KCNT2: variants seen among roughly 807,000 people sequenced by gnomAD.
KCNT2 encodes the protein potassium sodium-activated channel subfamily T member 2.
KCNT2 carries 67 observed loss-of-function variants against 153.8 expected under a neutral mutation model. That is an observed-to-expected ratio of 0.44 (90% CI 0.36 to 0.53). The LOEUF (loss-of-function observed/expected upper bound fraction) is 0.53. KCNT2 is among the 20% of genes least tolerant of loss of function. KCNT2 has a pLI of 0.00. For missense variants in KCNT2, 975 were observed against 1,354.8 expected, an observed-to-expected ratio of 0.72 and a Z score of 4.40; for synonymous variants, 500 against 458.8, an observed-to-expected ratio of 1.09 and a Z score of -1.15.
At chr1:196,569,847 T>C (rs1391423300) in intron 1 of KCNT2, among the ~76,000 whole-genome samples, 1 of 152,058 alleles carries the variant, frequency 6.6e-6, no homozygotes, top group Non-Finnish European at 1.5e-5. Context: ...AAGACTAAGA[T>C]TACATATGCT....
intron 25 of KCNT2, among the ~76,000 whole-genome samples, chr1:196,275,218 T>C (rs1306791233): frequency 1.3e-5 from 2 of 151,894 alleles, no homozygotes; most frequent in African/African-American, 2.4e-5. Context: ...CTGTCCTTCC[T>C]ATATATGTTG....
intron 1 of KCNT2, among the ~76,000 whole-genome samples, chr1:196,577,930 A>G (rs1426201365): frequency 6.6e-6 from 1 of 152,192 alleles, no homozygotes; most frequent in African/African-American, 2.4e-5. Context: ...AATATAATAC[A>G]CTAACATTTT....
At chr1:196,383,973 T>C (rs905064708) in intron 13 of KCNT2, among the ~76,000 whole-genome samples, 2 of 152,192 alleles carry the variant, frequency 1.3e-5, no homozygotes, top group Admixed American at 6.5e-5. Flanking sequence ...GTAATTCTTA[T>C]GTAGTTAACA....
chr1:196,383,628 G>A lies in KCNT2; in HGVS notation c.1295-10380C>T, dbSNP rs549864007. On this transcript the variant is annotated intron_variant, in intron 13 of 27. Coordinates refer to ENST00000294725, the MANE Select transcript of KCNT2 (RefSeq NM_198503.5). Reference sequence around the variant, plus strand: ...CAGTATAAATAAGACTGGAATCATCGGGAGTGATGACAGGGTCCAAGTATA... The same window carrying A: ...CAGTATAAATAAGACTGGAATCATCAGGAGTGATGACAGGGTCCAAGTATA... Among the ~76,000 whole-genome samples the A allele has an allele frequency of 1.0e-3, 157 of 152,224 alleles. 4 individuals are homozygous for A. The highest frequency in any genetic ancestry group is 3.7e-3 in the African/African-American group (153 of 41,550).
intron 1 of KCNT2, among the ~76,000 whole-genome samples, chr1:196,579,148 G>A (rs1188182253): frequency 1.3e-5 from 2 of 152,208 alleles, no homozygotes; most frequent in African/African-American, 2.4e-5. Context: ...ACAATGACAT[G>A]TTATCCATGT....
intron 26 of KCNT2, among the ~76,000 whole-genome samples, chr1:196,242,188 C>T (rs567787710): frequency 6.6e-6 from 1 of 152,040 alleles, no homozygotes; most frequent in Non-Finnish European, 1.5e-5. Context: ...CAAAACTATA[C>T]AGATTGTCTT....
At chr1:196,572,910 C>G (rs1277947920) in intron 1 of KCNT2, among the ~76,000 whole-genome samples, 1 of 152,044 alleles carries the variant, frequency 6.6e-6, no homozygotes, top group Admixed American at 6.6e-5. Context: ...ATGAGTTCTA[C>G]TCCATATACA....
intron 25 of KCNT2, chr1:196,259,470 C>T (rs949023174): frequency 4.6e-5 from 7 of 152,066 alleles, no homozygotes; most frequent in African/African-American, 1.7e-4. Flanking sequence ...TACTATTGTA[C>T]TTAAGAGCAG....
At chr1:196,253,667 AT>A (rs1480826945) in intron 26 of KCNT2, among the ~76,000 whole-genome samples, 1 of 151,488 alleles carries the variant, frequency 6.6e-6, no homozygotes, top group African/African-American at 2.4e-5. Context: ...ATTGTTTCAC[AT>A]TTTTTGTATT....
chr1:196,588,808 T>C (rs1002737364), intron 1 of KCNT2, among the ~76,000 whole-genome samples: 1 of 151,972 alleles, frequency 6.6e-6, no homozygotes, highest in African/African-American at 2.4e-5. Flanking sequence ...AACGAAATCT[T>C]ATTTCTAGGG....
chr1:196,563,781 A>G (rs919970613), intron 1 of KCNT2, among the ~76,000 whole-genome samples: 9 of 151,982 alleles, frequency 5.9e-5, no homozygotes, highest in Admixed American at 3.9e-4. Context: ...TTACCTCAAT[A>G]CATACAGAAA....
At chr1:196,427,980 T>C (rs1437394240) in intron 10 of KCNT2, 125 bp downstream of exon 10, 15 of 609,262 alleles carry the variant, frequency 2.5e-5, no homozygotes, top group Non-Finnish European at 4.2e-5. Flanking sequence ...CTTCATTTAC[T>C]CCTTCTATAT....
chr1:196,383,036 C>CT (rs2148377090), intron 13 of KCNT2, among the ~76,000 whole-genome samples: 1 of 152,164 alleles, frequency 6.6e-6, no homozygotes, highest in African/African-American at 2.4e-5. Flanking sequence ...AGTCAGAACA[C>CT]TGACATGTGG....
intron 13 of KCNT2, among the ~76,000 whole-genome samples, chr1:196,379,565 T>TC (rs1669288330): frequency 2.9e-5 from 4 of 136,148 alleles, no homozygotes; most frequent in Non-Finnish European, 4.7e-5. Flanking sequence ...CAGTGAGACT[T>TC]TCTCTCTCTC....
intron 22 of KCNT2, among the ~76,000 whole-genome samples, chr1:196,289,372 T>A (rs1007383499): frequency 6.6e-6 from 1 of 152,132 alleles, no homozygotes; most frequent in Non-Finnish European, 1.5e-5. Context: ...TAATAATCTA[T>A]CTCAGCTAGA....
intron 1 of KCNT2, among the ~76,000 whole-genome samples, chr1:196,570,100 T>C (rs1430115838): frequency 2.3e-5 from 3 of 129,540 alleles, no homozygotes; most frequent in Non-Finnish European, 4.5e-5. Flanking sequence ...AAAAAAAAAT[T>C]AAAGGCCTTT....
intron 22 of KCNT2, among the ~76,000 whole-genome samples, chr1:196,295,477 C>CA (rs57350716): frequency 9.0e-4 from 123 of 135,930 alleles, no homozygotes; most frequent in Admixed American, 1.5e-3. Flanking sequence ...GTCTGAAAAC[C>CA]AAAAAAAAAA....
At chr1:196,605,559 C>T (rs527374333) in intron 1 of KCNT2, among the ~76,000 whole-genome samples, 26 of 152,214 alleles carry the variant, frequency 1.7e-4, no homozygotes, top group Middle Eastern at 6.8e-3. Flanking sequence ...AAGAAAGTTG[C>T]TTTGAGAATA....
chr1:196,549,081 C>G (rs981753555), intron 1 of KCNT2, among the ~76,000 whole-genome samples: 10 of 151,836 alleles, frequency 6.6e-5, no homozygotes, highest in Admixed American at 3.9e-4. Flanking sequence ...GTGCAGCGCA[C>G]CAGCATGGCA....
Sources: allele counts gnomAD v4.1 joint callset (sites outside exome capture counted in the v4.1 genomes callset), GRCh38; gene constraint gnomAD v4.1.1; transcripts MANE v1.5; gene names NCBI Gene and HGNC (gene_info 2026-07-23, HGNC 2026-07-21).